PARVB: variants seen among roughly 807,000 people sequenced by gnomAD.
The protein encoded by PARVB is parvin beta, also known as beta-parvin.
PARVB carries 46 observed loss-of-function variants against 47.0 expected under a neutral mutation model. The observed-to-expected ratio is 0.98, with a 90% CI of 0.77 to 1.25. PARVB has a LOEUF of 1.25. Among genes scored for constraint, PARVB ranks in the 50% most tolerant of loss-of-function variants. The pLI, the probability that PARVB is intolerant of heterozygous loss-of-function variation, is 0.00. For synonymous variants in PARVB, 196 were observed against 196.3 expected, an observed-to-expected ratio of 1.00 and a Z score of 0.01; for missense variants, 473 against 471.6, an observed-to-expected ratio of 1.00 and a Z score of -0.03.
intron 10 of PARVB, 36 bp downstream of exon 10, chr22:44,151,587 A>G: frequency 6.6e-7 from 1 of 1,517,032 alleles, no homozygotes; most frequent in Non-Finnish European, 9.2e-7. Flanking sequence ...TCCTTTGTCC[A>G]CCGCCATTTT....
At chr22:44,097,546 T>C (rs944973805) in intron 2 of PARVB, among the ~76,000 whole-genome samples, 1 of 152,170 alleles carries the variant, frequency 6.6e-6, no homozygotes. Flanking sequence ...GTGTTTCTCA[T>C]CTGGAGCAAG....
intron 1 of PARVB, among the ~76,000 whole-genome samples, chr22:44,075,618 C>T (rs2051753377): frequency 1.3e-5 from 2 of 152,210 alleles, no homozygotes; most frequent in African/African-American, 2.4e-5. Context: ...CCCTCTCACT[C>T]CTGGCAACCT....
intron 1 of PARVB, among the ~76,000 whole-genome samples, chr22:44,038,055 C>T (rs190086989): frequency 3.3e-5 from 5 of 152,358 alleles, no homozygotes; most frequent in East Asian, 1.9e-4. Context: ...AAAGCCCTCA[C>T]GTCCCCTGTT....
chr22:44,054,724 C>T (rs1385755781), intron 1 of PARVB, among the ~76,000 whole-genome samples: 2 of 152,030 alleles, frequency 1.3e-5, no homozygotes, highest in Non-Finnish European at 2.9e-5. Flanking sequence ...TGCGGTGGCT[C>T]ACACCTGTAA....
At chr22:44,132,168 T>C (rs1259721734) in intron 5 of PARVB, among the ~76,000 whole-genome samples, 1 of 152,124 alleles carries the variant, frequency 6.6e-6, no homozygotes, top group Non-Finnish European at 1.5e-5. Context: ...GCTTCAGGGC[T>C]CTCTGTGCTG....
intron 8 of PARVB, chr22:44,146,286 CACAA>C (rs2053672327): frequency 7.6e-6 from 1 of 131,650 alleles, no homozygotes; most frequent in East Asian, 3.4e-4. Context: ...CATGTTCACA[CACAA>C]CCTCACACGC....
intron 4 of PARVB, 129 bp downstream of exon 4, chr22:44,119,269 A>T: frequency 1.4e-6 from 1 of 704,196 alleles, no homozygotes; most frequent in Non-Finnish European, 2.5e-6. Context: ...TGCAGTGTGC[A>T]TCTCCCAGGT....
chr22:44,129,654 C>T (rs2053267194), intron 4 of PARVB, among the ~76,000 whole-genome samples: 1 of 152,204 alleles, frequency 6.6e-6, no homozygotes, highest in Non-Finnish European at 1.5e-5. Context: ...GGCGCAAATT[C>T]AGACAGACAG....
At chr22:44,000,180 C>G (rs2050400232) in intron 2 of PARVB, among the ~76,000 whole-genome samples, 1 of 152,248 alleles carries the variant, frequency 6.6e-6, no homozygotes. Context: ...GGATGCCACT[C>G]ATGAGCTTTC....
intron 1 of PARVB, among the ~76,000 whole-genome samples, chr22:44,050,622 G>A (rs1217559445): frequency 6.6e-6 from 1 of 152,144 alleles, no homozygotes; most frequent in African/African-American, 2.4e-5. Flanking sequence ...ACAGGTGTGA[G>A]CCACTGCGCC....
rs1569064869 is a variant in PARVB at position 44,034,334 on chromosome 22, G to GTTTGAGATGGGGGTCTTTATACATATATA, written c.112+9914_112+9942dup. 1.1e-3 allele frequency among the ~76,000 whole-genome samples: 93 copies of GTTTGAGATGGGGGTCTTTATACATATATA among 85,976 alleles called. No individual in the cohort carries two copies. The East Asian group carries it at 0.011, about 10-fold the overall frequency. The allele number at this position is 85,976 out of a possible 152,430, so 56.4% of individuals were successfully genotyped here. On this transcript the variant is annotated intron_variant, in intron 1 of 12. Transcript: ENST00000338758. ...GATGGGTGTCTTTATACATATATAT[G>GTTTGAGATGGGGGTCTTTATACATATATA]TTTGAGATGGGGGTCTTTATACATA...
At chr22:44,026,230 G>A (rs557401179) in intron 1 of PARVB, 1 of 755,962 alleles carries the variant, frequency 1.3e-6, no homozygotes, top group East Asian at 1.3e-4. Flanking sequence ...GAATTGATGT[G>A]TGTCTAGAAA....
chr22:44,124,896 G>GGA (rs1428476416), intron 4 of PARVB, among the ~76,000 whole-genome samples: 4 of 152,116 alleles, frequency 2.6e-5, no homozygotes, highest in Non-Finnish European at 4.4e-5. Flanking sequence ...GTGCTGTTTA[G>GGA]GAGAGAGAGA....
rs896759632 is a variant in PARVB, at chr22:44,125,582, G to A, written c.377-5905G>A. On this transcript the variant is annotated intron_variant, in intron 4 of 12. Transcript: ENST00000338758. The surrounding 1 kb of genome is among the most constrained non-coding windows in gnomAD (Gnocchi z 4.1). ...GCGTTCTGGGCTGAGGCTCTAAAGCGAGAAAGAGCCTGTTGTGTTGGAGGA... is the reference window on the plus strand; with the variant it reads ...GCGTTCTGGGCTGAGGCTCTAAAGCAAGAAAGAGCCTGTTGTGTTGGAGGA... 6.6e-5 allele frequency among the ~76,000 whole-genome samples: 10 copies of A among 152,126 alleles called. No individual in the cohort carries two copies. The highest frequency in any genetic ancestry group is 1.9e-4 in the African/African-American group (8 of 41,412).
intron 4 of PARVB, among the ~76,000 whole-genome samples, chr22:44,124,198 A>G (rs1292671814): frequency 6.6e-6 from 1 of 152,242 alleles, no homozygotes; most frequent in Non-Finnish European, 1.5e-5. Flanking sequence ...CCTCAGTGCC[A>G]TCCACAGACT....
At chr22:44,081,496 G>T in intron 1 of PARVB, 1 of 504,556 alleles carries the variant, frequency 2.0e-6, no homozygotes, top group Non-Finnish European at 2.6e-6. Flanking sequence ...ACAACGCTTT[G>T]GACTTCCCTG....
chr22:44,096,476 TCA>T (rs1313930709), intron 2 of PARVB, among the ~76,000 whole-genome samples: 1 of 152,232 alleles, frequency 6.6e-6, no homozygotes, highest in Non-Finnish European at 1.5e-5. Flanking sequence ...TTTGTATATT[TCA>T]TATCCTTTGG....
At chr22:44,027,105 C>T (rs759221198) in intron 1 of PARVB, among the ~76,000 whole-genome samples, 5 of 151,906 alleles carry the variant, frequency 3.3e-5, no homozygotes, top group East Asian at 1.9e-4. Flanking sequence ...GGAACTGTGA[C>T]GAACTGTGGG....
Position 44,079,086 on chromosome 22 carries a change from A to T in PARVB, c.113-14842A>T, listed in dbSNP as rs561488367. ...AGAATGGTAGAGTCCTCAAACCCTG[A>T]TTCAGTCGTTCATGAATTCACTGAG... On this transcript the variant is annotated intron_variant, in intron 1 of 12. Transcript: ENST00000338758. Among the ~76,000 whole-genome samples, 8 of 152,304 alleles carry T rather than the reference A, an allele frequency of 5.3e-5. No individual in the cohort carries two copies. The East Asian group carries it at 1.5e-3, about 29-fold the overall frequency.
Sources: gnomAD v4.1 joint callset for allele counts (sites outside exome capture counted in the v4.1 genomes callset) on GRCh38, gnomAD v4.1.1 for gene constraint, Gnocchi (gnomAD v3.1) non-coding constraint, MANE v1.5 for transcripts, NCBI Gene and HGNC (gene_info 2026-07-23, HGNC 2026-07-21) for gene names.